The following TUBA1B variants were observed in gnomAD, a reference collection of about 807,000 sequenced individuals.
TUBA1B encodes the protein tubulin alpha-1B chain.
In TUBA1B, 1 loss-of-function variant was observed where a neutral mutation model predicts 34.4. That is an observed-to-expected ratio of 0.03 (90% CI 0.01 to 0.14). TUBA1B has a LOEUF of 0.14. TUBA1B is among the 10% of genes least tolerant of loss of function. The pLI is 1.00. For missense variants in TUBA1B, 54 were observed against 583.6 expected, an observed-to-expected ratio of 0.09 and a Z score of 9.35; for synonymous variants, 197 against 212.5, an observed-to-expected ratio of 0.93 and a Z score of 0.64.
intron 1 of TUBA1B, chr12:49,130,804 G>C (rs731350): frequency 0.44 from 75,853 of 171,206 alleles, 18,555 homozygotes; most frequent in East Asian, 0.71. Flanking sequence ...CATGCGCAAA[G>C]CGCAGTGGCG....
intron 1 of TUBA1B, chr12:49,130,910 G>T (rs1294108940): frequency 5.6e-6 from 1 of 179,550 alleles, no homozygotes; most frequent in East Asian, 1.4e-4. Context: ...TCAAGAGGAA[G>T]TGAGGGCTGG....
chr12:49,129,555 G>A lies in TUBA1B; in HGVS notation c.171C>T (p.Gly57=), dbSNP rs11546587. ...DSFNTFFSET[G]AGKHVPRAVF... is the part of the protein sequence containing the mutation. Reference sequence around the variant, plus strand: ...CAGCCCGGGGCACGTGCTTGCCAGCGCCCGTCTCACTGAAGAAGGTGTTGA... The same window carrying A: ...CAGCCCGGGGCACGTGCTTGCCAGCACCCGTCTCACTGAAGAAGGTGTTGA... The change falls in exon 2 of 4, where the codon GGC becomes GGT. Residue 57 remains glycine, a synonymous_variant. Transcript: ENST00000336023. The A allele has an allele frequency of 1.8e-5, 29 of 1,614,152 alleles. No individual in the cohort carries two copies. The highest frequency in any genetic ancestry group is 1.6e-4 in the East Asian group (7 of 44,872).
intron 1 of TUBA1B, chr12:49,130,260 A>G: frequency 2.3e-6 from 3 of 1,289,038 alleles, no homozygotes; most frequent in Middle Eastern, 4.3e-4. Flanking sequence ...AGGTGGTCAC[A>G]TTTCCGGGCA....
chr12:49,130,205 T>G, intron 1 of TUBA1B: 2 of 1,271,120 alleles, frequency 1.6e-6, no homozygotes, highest in Non-Finnish European at 2.0e-6. Flanking sequence ...GACAGGAAGG[T>G]GGGCATCCAT....
At chr12:49,130,361 A>G (rs1680822841) in intron 1 of TUBA1B, 2 of 1,289,134 alleles carry the variant, frequency 1.6e-6, no homozygotes, top group Non-Finnish European at 2.0e-6. Flanking sequence ...CACAGGATGA[A>G]TGAGCAATTC....
chr12:49,130,655 C>T (rs941116076), intron 1 of TUBA1B: 7 of 331,044 alleles, frequency 2.1e-5, no homozygotes, highest in Non-Finnish European at 3.7e-5. Flanking sequence ...TGTGTACGAA[C>T]TGTCGTAATA....
At chr12:49,129,752 T>G (rs1198967266) in intron 1 of TUBA1B, 30 bp from the exon 2 acceptor site, 7 of 1,613,676 alleles carry the variant, frequency 4.3e-6, no homozygotes, top group Non-Finnish European at 5.9e-6. Flanking sequence ...TATCACAATT[T>G]AAACCAATCT....
Position 49,127,930 on chromosome 12 carries a change from A to G in TUBA1B, c.*28T>C. On this transcript the variant is annotated 3_prime_UTR_variant, in exon 4 of 4. Coordinates refer to ENST00000336023, the MANE Select transcript of TUBA1B (RefSeq NM_006082.3). The stretch of plus-strand genomic sequence containing the variant: ...GAAGCTGAAATTCTGGGAGCATGAC[A>G]TGCTGCAGGGCCAAAAGGAATGGAT... 6.2e-7 allele frequency: 1 copy of G among 1,613,996 alleles called. No homozygotes were observed. The highest frequency in any genetic ancestry group is 8.5e-7 in the Non-Finnish European group (1 of 1,179,858).
chr12:49,127,948 G>C lies in TUBA1B; in HGVS notation c.*10C>G. 1 of 1,613,996 alleles carries C rather than the reference G, an allele frequency of 6.2e-7. No homozygotes were observed. The highest frequency in any genetic ancestry group is 8.5e-7 in the Non-Finnish European group (1 of 1,179,900). On this transcript the variant is annotated 3_prime_UTR_variant, in exon 4 of 4. Transcript: ENST00000336023. ...GCATGACATGCTGCAGGGCCAAAAG[G>C]AATGGATAATTAGTATTCCTCTCCT...
intron 1 of TUBA1B, 44 bp from the exon 2 acceptor site, chr12:49,129,766 G>C (rs768686970): frequency 3.7e-5 from 60 of 1,612,884 alleles, no homozygotes; most frequent in Non-Finnish European, 4.9e-5. Flanking sequence ...CCAATCTATT[G>C]ATGACTGTCA....
chr12:49,129,127 G>A (rs1941773354), intron 3 of TUBA1B, 115 bp downstream of exon 3: 32 of 1,587,112 alleles, frequency 2.0e-5, no homozygotes, highest in Non-Finnish European at 2.5e-5. Flanking sequence ...AATATAGCAA[G>A]CAGCCTATTC....
intron 1 of TUBA1B, chr12:49,130,240 A>G (rs1565615508): frequency 4.7e-6 from 6 of 1,287,902 alleles, no homozygotes; most frequent in Non-Finnish European, 6.1e-6. Flanking sequence ...CCAGAAGCCC[A>G]CTTTAGACTA....
At chr12:49,130,019 TTCCTTTTCTAAAGCGATCTTTTCTAAAGA>T in intron 1 of TUBA1B, 2 of 1,125,630 alleles carry the variant, frequency 1.8e-6, no homozygotes, top group South Asian at 3.4e-5. Context: ...GAAAACGAAT[TTCCTTTTCTAAAGCGATCTTTTCTAAAGA>T]TCCTTTTCTA....
rs767156959 is a variant in TUBA1B at position 49,131,346 on chromosome 12, G to A, written c.-46C>T. ...CGAAGGCGACAGGAGCAGACACCGG[G>A]TCCCGGTTACCGTCCCCGACAAGCT... On this transcript the variant is annotated 5_prime_UTR_variant, in exon 1 of 4. Coordinates refer to ENST00000336023, the MANE Select transcript of TUBA1B (RefSeq NM_006082.3). 5.6e-6 allele frequency: 9 copies of A among 1,607,934 alleles called. No homozygotes were observed. Among genetic ancestry groups the A allele is most frequent in the Middle Eastern group, 3.4e-4 (2 of 5,820 alleles).
Position 49,131,253 on chromosome 12 carries a change from T to C in TUBA1B, c.3+45A>G, listed in dbSNP as rs771372922. The C allele has an allele frequency of 3.8e-6, 6 of 1,595,066 alleles. No homozygotes were observed. The South Asian group carries it at 5.7e-5, about 15-fold the overall frequency. ...CCCCAGCGCCCCGCCGGCTCGCTTT[T>C]CCCTGCTTCCCTGAAAGCAGCCGGG... On this transcript the variant is annotated intron_variant, in intron 1 of 3. Transcript: ENST00000336023.
In TUBA1B at chr12:49,128,989, T is replaced by C; in HGVS notation, c.376-51A>G. 6.5e-7 allele frequency: 1 copy of C among 1,549,300 alleles called. No individual in the cohort carries two copies. The stretch of plus-strand genomic sequence containing the variant: ...ATTTTAATGCCAGGACACATTATCT[T>C]AGAATTTCTATTTCAACTTTTTAGA... On this transcript the variant is annotated intron_variant, in intron 3 of 3. Transcript: ENST00000336023. The surrounding 1 kb of genome is among the most constrained non-coding windows in gnomAD (Gnocchi z 8.1).
At position 49,129,399 on chromosome 12, in the gene TUBA1B, G is replaced by A. The variant is rs10161356; in HGVS notation, c.227-9C>T. The A allele has an allele frequency of 6.9e-4, 1,116 of 1,614,130 alleles. 4 individuals carry two copies. In the African/African-American group the frequency reaches 0.013, roughly 19 times the overall value. On this transcript the variant is annotated splice_polypyrimidine_tract_variant and intron_variant, in intron 2 of 3. Transcript: ENST00000336023. ...GCCAGTGCGAACTTCATCTGGAGGA[G>A]GGAGAGAAGGACGGAGGGAGTGAGT...
At chr12:49,131,026 G>A in intron 1 of TUBA1B, 1 of 439,674 alleles carries the variant, frequency 2.3e-6, no homozygotes, top group Non-Finnish European at 4.3e-6. Flanking sequence ...CGACAAAAGA[G>A]AGCTCCGGAT....
chr12:49,131,360 C>A lies in TUBA1B; in HGVS notation c.-60G>T. 6.3e-7 allele frequency: 1 copy of A among 1,597,768 alleles called. No individual in the cohort carries two copies. Among genetic ancestry groups the A allele is most frequent in the Non-Finnish European group, 8.5e-7 (1 of 1,170,400 alleles). On this transcript the variant is annotated 5_prime_UTR_variant, in exon 1 of 4. Coordinates refer to ENST00000336023, the MANE Select transcript of TUBA1B (RefSeq NM_006082.3). ...GCAGACACCGGGTCCCGGTTACCGT[C>A]CCCGACAAGCTAAGAGTCGAGGTAA...
Sources: gnomAD v4.1 joint callset for allele counts on GRCh38, gnomAD v4.1.1 for gene constraint, Gnocchi (gnomAD v3.1) non-coding constraint, MANE v1.5 for transcripts, NCBI Gene and HGNC (gene_info 2026-07-23, HGNC 2026-07-21) for gene names.